The following FOLH1 variants were observed in gnomAD, a reference collection of about 807,000 sequenced individuals.
The protein encoded by FOLH1 is folate hydrolase 1.
Under a neutral mutation model 93.9 loss-of-function variants are expected in FOLH1, and 54 were observed. The ratio of observed to expected loss-of-function variants is 0.57; its 90% CI spans 0.46 to 0.72. FOLH1 has a LOEUF of 0.72. Ranked by LOEUF, FOLH1 falls within the 30% of genes least tolerant of loss-of-function variation. The probability of loss-of-function intolerance (pLI) is 0.00; values close to 1 mark genes in which losing one functional copy is unlikely to be tolerated. For synonymous variants in FOLH1, 249 were observed against 303.6 expected (o/e 0.82, Z 1.87); for missense variants, 571 against 892.5 (o/e 0.64, Z 4.59).
intron 17 of FOLH1, among the ~76,000 whole-genome samples, chr11:49,151,849 G>A (rs1856544073): frequency 6.6e-6 from 1 of 151,990 alleles, no homozygotes. Context: ...TAGGATACAT[G>A]GTGTTTGGGA....
chr11:49,154,022 C>G (rs1383530735), intron 16 of FOLH1, 95 bp from the exon 17 acceptor site: 2 of 1,322,738 alleles, frequency 1.5e-6, no homozygotes, highest in Non-Finnish European at 2.1e-6. Context: ...TAGAAGCCAT[C>G]ATCTTTTGTG....
intron 7 of FOLH1, among the ~76,000 whole-genome samples, chr11:49,179,622 T>C (rs911243881): frequency 2.6e-4 from 39 of 152,150 alleles, no homozygotes; most frequent in Admixed American, 1.6e-3. Context: ...TAAAGGAAAA[T>C]ACATAGCTGT....
At chr11:49,168,273 G>C (rs1858701973) in intron 12 of FOLH1, among the ~76,000 whole-genome samples, 1 of 151,434 alleles carries the variant, frequency 6.6e-6, no homozygotes, top group African/African-American at 2.5e-5. Flanking sequence ...AACACATAAA[G>C]AGGTGTTGAA....
At chr11:49,193,362 CAGA>C (rs1862276762) in intron 3 of FOLH1, among the ~76,000 whole-genome samples, 1 of 152,178 alleles carries the variant, frequency 6.6e-6, no homozygotes, top group Non-Finnish European at 1.5e-5. Context: ...AGTTGCTTCA[CAGA>C]AGGTTAGAAG....
intron 3 of FOLH1, among the ~76,000 whole-genome samples, chr11:49,193,557 T>C (rs1228271766): frequency 6.6e-6 from 1 of 152,134 alleles, no homozygotes; most frequent in Non-Finnish European, 1.5e-5. Flanking sequence ...AAGTACATGA[T>C]TGGGGAATCC....
intron 4 of FOLH1, 128 bp downstream of exon 4, chr11:49,192,665 A>G: frequency 1.7e-6 from 1 of 578,762 alleles, no homozygotes; most frequent in Non-Finnish European, 2.8e-6. Flanking sequence ...CATTCTCATT[A>G]CTTAAATGTG....
intron 4 of FOLH1, among the ~76,000 whole-genome samples, chr11:49,189,698 A>C (rs1861813643): frequency 6.6e-6 from 1 of 152,234 alleles, no homozygotes; most frequent in African/African-American, 2.4e-5. Flanking sequence ...AAGTCAAAAA[A>C]TTTTAAGTAG....
At chr11:49,169,915 A>T (rs1859019920) in intron 11 of FOLH1, among the ~76,000 whole-genome samples, 1 of 152,220 alleles carries the variant, frequency 6.6e-6, no homozygotes, top group Admixed American at 6.5e-5. Flanking sequence ...AAAAAAATAC[A>T]ACTGTAAGTG....
intron 17 of FOLH1, among the ~76,000 whole-genome samples, chr11:49,150,202 C>T (rs2134853333): frequency 6.6e-6 from 1 of 152,218 alleles, no homozygotes; most frequent in African/African-American, 2.4e-5. Context: ...ATAAGTGGAC[C>T]TGTGCAGTTC....
At chr11:49,158,186 T>C in intron 13 of FOLH1, 143 bp from the exon 14 acceptor site, 7 of 555,754 alleles carry the variant, frequency 1.3e-5, no homozygotes, top group Non-Finnish European at 1.8e-5. Context: ...TCATCAAGAA[T>C]TATAAGTTTC....
chr11:49,195,156 T>C (rs1230467245), intron 3 of FOLH1, among the ~76,000 whole-genome samples: 2 of 152,066 alleles, frequency 1.3e-5, no homozygotes, highest in South Asian at 2.1e-4. Context: ...ACTGAGCACA[T>C]ATTAGGTTCC....
rs779837221 is a variant in FOLH1 at position 49,186,639 on chromosome 11, C to T, written c.639+5G>A. The T allele has an allele frequency of 6.2e-6, 10 of 1,610,304 alleles. No homozygotes were observed. The Admixed American group carries it at 1.7e-4, about 27-fold the overall frequency. Reference sequence around the variant, plus strand: ...AGAGAAAAAAAGAGATAATTTTTACCTTACCTTATTTCCTCTGAAAACTTT... The same window carrying T: ...AGAGAAAAAAAGAGATAATTTTTACTTTACCTTATTTCCTCTGAAAACTTT... On this transcript the variant is annotated splice_donor_5th_base_variant and intron_variant, in intron 5 of 18. Transcript: ENST00000256999.
chr11:49,148,579 A>G (rs1856044665), intron 18 of FOLH1, 60 bp downstream of exon 18: 1 of 1,318,086 alleles, frequency 7.6e-7, no homozygotes, highest in South Asian at 1.4e-5. Flanking sequence ...AGTGAAAAAA[A>G]TAAAAATAAT....
intron 13 of FOLH1, among the ~76,000 whole-genome samples, chr11:49,158,550 C>T (rs1357971605): frequency 6.6e-6 from 1 of 152,018 alleles, no homozygotes; most frequent in African/African-American, 2.4e-5. Flanking sequence ...TTACTGTAGC[C>T]TCATAGTATA....
At chr11:49,152,255 T>C (rs773498900) in intron 17 of FOLH1, among the ~76,000 whole-genome samples, 1 of 152,138 alleles carries the variant, frequency 6.6e-6, no homozygotes, top group African/African-American at 2.4e-5. Context: ...AGGCAGCCTT[T>C]CTTTTCCAAA....
At chr11:49,198,497 A>T (rs1024492819) in intron 3 of FOLH1, among the ~76,000 whole-genome samples, 27 of 124,726 alleles carry the variant, frequency 2.2e-4, no homozygotes, top group South Asian at 7.9e-4. Context: ...AAACAAAAAC[A>T]AAAACTAAAA....
intron 7 of FOLH1, among the ~76,000 whole-genome samples, chr11:49,176,679 G>A (rs1385282555): frequency 1.3e-5 from 2 of 151,928 alleles, no homozygotes; most frequent in Admixed American, 1.3e-4. Context: ...GCTACAGAGA[G>A]ACAAATGTGT....
In FOLH1 at chr11:49,156,758, G is replaced by C; in HGVS notation, c.1582C>G (p.Leu528Val). 1 of 1,612,698 alleles carries C rather than the reference G, an allele frequency of 6.2e-7. No individual in the cohort carries two copies. Reference sequence around the variant, plus strand: ...CGTGCTCTGCCTGAAGCAATTCCAAGTCGTTGGAAGAACACCTCAAAATCA... The same window carrying C: ...CGTGCTCTGCCTGAAGCAATTCCAACTCGTTGGAAGAACACCTCAAAATCA... ...GNDFEVFFQR[L>V]GIASGRARYT... The change falls in exon 15 of 19, where the codon CTT (leucine) becomes GTT (valine). Residue 528 changes from leucine (L) to valine (V), a missense_variant. By Grantham distance (32) the Leu-to-Val change is conservative. Transcript: ENST00000256999.
At chr11:49,200,214 ATG>A (rs1863117999) in intron 3 of FOLH1, 39 bp downstream of exon 3, 1 of 1,409,822 alleles carries the variant, frequency 7.1e-7, no homozygotes, top group African/African-American at 1.5e-5. Flanking sequence ...AAAAGAATAA[ATG>A]GGGGGAATGT....
Sources: allele counts gnomAD v4.1 joint callset (sites outside exome capture counted in the v4.1 genomes callset), GRCh38; gene constraint gnomAD v4.1.1; transcripts MANE v1.5; gene names NCBI Gene and HGNC (gene_info 2026-07-23, HGNC 2026-07-21).